Variants in MIS18BP1 observed in about 807,000 individuals in gnomAD.
MIS18BP1 encodes mis18-binding protein 1.
Under a neutral mutation model 116.1 loss-of-function variants are expected in MIS18BP1, and 72 were observed. That is an observed-to-expected ratio of 0.62 (90% CI 0.51 to 0.75). MIS18BP1 has a LOEUF of 0.75. Among genes scored for constraint, MIS18BP1 ranks in the 30% least tolerant of loss-of-function variants. MIS18BP1 has a pLI of 0.00. For synonymous variants in MIS18BP1, 386 were observed against 427.0 expected (o/e 0.90, Z 1.18); for missense variants, 1,363 against 1,303.2 (o/e 1.05, Z -0.71).
At chr14:45,242,630 T>C in intron 3 of MIS18BP1, 112 bp from the exon 4 acceptor site, 1 of 1,464,318 alleles carries the variant, frequency 6.8e-7, no homozygotes, top group South Asian at 1.4e-5. Context: ...AGTCTTTCTC[T>C]GAGTGTCTCT....
At chr14:45,231,763 T>A (rs1891283645) in intron 7 of MIS18BP1, among the ~76,000 whole-genome samples, 1 of 152,156 alleles carries the variant, frequency 6.6e-6, no homozygotes, top group Non-Finnish European at 1.5e-5. Flanking sequence ...AGAAAAAAAC[T>A]GCCAGCCCCC....
intron 6 of MIS18BP1, among the ~76,000 whole-genome samples, chr14:45,235,590 CAAAAAAAA>C (rs77272289): frequency 1.5e-5 from 1 of 68,712 alleles, no homozygotes; most frequent in Non-Finnish European, 3.0e-5. Context: ...ACTCCATTTC[CAAAAAAAA>C]AAAAAAAAAC....
Position 45,203,323 on chromosome 14 carries a change from G to T in MIS18BP1, c.*786C>A, listed in dbSNP as rs1566797657. The stretch of plus-strand genomic sequence containing the variant: ...AGCAAAAATAAGTTTATTTCTAAAA[G>T]AAATTTCAGTGAAAGAAAAAGGATG... On this transcript the variant is annotated 3_prime_UTR_variant, in exon 17 of 17. Transcript: ENST00000310806. 1.3e-5 allele frequency: 2 copies of T among 152,022 alleles called. No individual in the cohort carries two copies. The highest frequency in any genetic ancestry group is 3.8e-4 in the East Asian group (2 of 5,196). 9.4% of individuals were successfully genotyped at this position (152,022 alleles called of 1,614,324 possible).
chr14:45,206,765 C>T (rs959602795), intron 14 of MIS18BP1, among the ~76,000 whole-genome samples: 3 of 152,150 alleles, frequency 2.0e-5, no homozygotes, highest in Non-Finnish European at 2.9e-5. Flanking sequence ...ACGCTCTTTC[C>T]GGTATCTTGC....
At chr14:45,215,709 CT>C (rs1487871655) in intron 13 of MIS18BP1, among the ~76,000 whole-genome samples, 215 of 136,492 alleles carry the variant, frequency 1.6e-3, no homozygotes, top group Admixed American at 1.5e-3. Flanking sequence ...CTGCACCCGG[CT>C]TTTTTTTTTT....
At chr14:45,247,769 G>A (rs551175969) in intron 1 of MIS18BP1, among the ~76,000 whole-genome samples, 62 of 152,158 alleles carry the variant, frequency 4.1e-4, no homozygotes, top group Admixed American at 9.2e-4. Flanking sequence ...GGTTACAAAA[G>A]ATAAAGTTCC....
intron 10 of MIS18BP1, 40 bp from the exon 11 acceptor site, chr14:45,224,786 A>T: frequency 1.5e-6 from 2 of 1,354,844 alleles, no homozygotes; most frequent in Middle Eastern, 2.0e-4. Flanking sequence ...CAAAATCTCA[A>T]ATTAGCTATA....
At chr14:45,210,318 G>A (rs764911192) in intron 14 of MIS18BP1, 62 bp downstream of exon 14, 140 of 1,521,336 alleles carry the variant, frequency 9.2e-5, no homozygotes, top group Admixed American at 1.9e-5. Context: ...CTCATGAAAT[G>A]TTTAAATGTT....
In MIS18BP1 at chr14:45,231,274, C is replaced by G; in HGVS notation, c.1461G>C (p.Lys487Asn). 1.9e-6 allele frequency: 3 copies of G among 1,610,108 alleles called. No homozygotes were observed. The highest frequency in any genetic ancestry group is 2.2e-5 in the South Asian group (2 of 90,260). ...QLRAGEKNRE[K>N]TKQKQKTGRS... The stretch of plus-strand genomic sequence containing the variant: ...TTCCAGTTTTCTGTTTTTGTTTGGT[C>G]TTTTCCCTGTTCTTTTCACCAGCCC... The change falls in exon 8 of 17, where the codon AAG (lysine) becomes AAC (asparagine). Residue 487 changes from lysine to asparagine, a missense_variant. Physicochemically the swap from Lys to Asn is moderately conservative, Grantham distance 94. Transcript: ENST00000310806.
At chr14:45,220,972 T>TA (rs1200036568) in intron 11 of MIS18BP1, among the ~76,000 whole-genome samples, 1 of 151,544 alleles carries the variant, frequency 6.6e-6, no homozygotes, top group Non-Finnish European at 1.5e-5. Context: ...TTAACTCCAC[T>TA]AAAAATACAA....
Position 45,237,727 on chromosome 14 carries a change from C to T in MIS18BP1, c.1144-6G>A. ...CATTCCTGTAGCTGAACTACCTAAT[C>T]AAGTATAAAACAAAGAACATATTTC... On this transcript the variant is annotated splice_region_variant and splice_polypyrimidine_tract_variant and intron_variant, in intron 4 of 16. Transcript: ENST00000310806. The T allele has an allele frequency of 6.3e-7, 1 of 1,596,064 alleles. No individual in the cohort carries two copies.
chr14:45,209,025 T>C (rs1890603874), intron 14 of MIS18BP1, among the ~76,000 whole-genome samples: 1 of 152,144 alleles, frequency 6.6e-6, no homozygotes, highest in Non-Finnish European at 1.5e-5. Context: ...TTTATTTATA[T>C]GTTTCAAATT....
At chr14:45,234,697 A>G (rs1048243228) in intron 6 of MIS18BP1, among the ~76,000 whole-genome samples, 2 of 152,250 alleles carry the variant, frequency 1.3e-5, no homozygotes, top group African/African-American at 4.8e-5. Flanking sequence ...CCAAGAAACC[A>G]CTAAGGGACT....
intron 2 of MIS18BP1, 21 bp from the exon 3 acceptor site, chr14:45,242,895 G>C (rs1891623574): frequency 6.7e-7 from 1 of 1,495,326 alleles, no homozygotes; most frequent in Non-Finnish European, 9.1e-7. Context: ...ATTTTTTAAA[G>C]AAAGAAGAAG....
At chr14:45,219,901 C>T (rs1890927011) in intron 11 of MIS18BP1, among the ~76,000 whole-genome samples, 1 of 152,174 alleles carries the variant, frequency 6.6e-6, no homozygotes. Flanking sequence ...AACACATCTC[C>T]TCTAGGTTAT....
At chr14:45,211,363 C>T (rs927445076) in intron 13 of MIS18BP1, among the ~76,000 whole-genome samples, 1 of 152,156 alleles carries the variant, frequency 6.6e-6, no homozygotes, top group African/African-American at 2.4e-5. Flanking sequence ...AATTTGTAAC[C>T]TGGTTGAGCC....
intron 13 of MIS18BP1, among the ~76,000 whole-genome samples, chr14:45,215,154 C>T (rs1017015382): frequency 8.5e-5 from 13 of 152,264 alleles, no homozygotes; most frequent in Non-Finnish European, 8.8e-5. Flanking sequence ...TGGACCATAG[C>T]GTTTTGAAGA....
At position 45,229,503 on chromosome 14, in the gene MIS18BP1, C is replaced by CA. The variant is rs756276073; in HGVS notation, c.1594+1637dup. On this transcript the variant is annotated intron_variant, in intron 8 of 16. Coordinates refer to ENST00000310806, the MANE Select transcript of MIS18BP1 (RefSeq NM_018353.5). ...TGGGAGACAGAGCAAGACCCTGTCTCAAAAAAAAAAAAAAAATTGCTGAGT... is the reference window on the plus strand; with the variant it reads ...TGGGAGACAGAGCAAGACCCTGTCTCAAAAAAAAAAAAAAAAATTGCTGAGT... Among the ~76,000 whole-genome samples the CA allele has an allele frequency of 5.7e-3, 639 of 111,650 alleles. 1 individual carries two copies. Among genetic ancestry groups the CA allele is most frequent in the East Asian group, 0.013 (53 of 3,962 alleles). 73.2% of individuals were successfully genotyped at this position (111,650 alleles called of 152,430 possible).
intron 1 of MIS18BP1, among the ~76,000 whole-genome samples, chr14:45,251,198 T>C (rs991144789): frequency 2.0e-5 from 3 of 152,152 alleles, no homozygotes; most frequent in Admixed American, 6.6e-5. Context: ...TTTTGGTATG[T>C]TTAGATACAC....
Sources: allele counts gnomAD v4.1 joint callset (sites outside exome capture counted in the v4.1 genomes callset), GRCh38; gene constraint gnomAD v4.1.1; transcripts MANE v1.5; gene names NCBI Gene and HGNC (gene_info 2026-07-23, HGNC 2026-07-21).